Variants in KLHL20 observed in about 807,000 individuals in gnomAD.
KLHL20 encodes kelch-like protein 20.
A neutral mutation model predicts 69.5 loss-of-function variants in KLHL20; 29 were observed. The observed-to-expected ratio is 0.42, with a 90% CI of 0.31 to 0.57. The LOEUF (loss-of-function observed/expected upper bound fraction) is 0.57, where lower values mean the gene tolerates loss of function less well. Ranked by LOEUF, KLHL20 falls within the 20% of genes least tolerant of loss-of-function variation. KLHL20 has a pLI of 0.18. For missense variants in KLHL20, 419 were observed against 776.0 expected (o/e 0.54, Z 5.47); for synonymous variants, 253 against 265.2 (o/e 0.95, Z 0.45).
chr1:173,718,828 G>A (rs1345966681), intron 2 of KLHL20, among the ~76,000 whole-genome samples: 1 of 152,162 alleles, frequency 6.6e-6, no homozygotes, highest in East Asian at 1.9e-4. Flanking sequence ...TTTGTGGCTG[G>A]GTGCGGTGGC....
chr1:173,735,411 A>T (rs984369623), intron 3 of KLHL20, among the ~76,000 whole-genome samples: 3 of 150,864 alleles, frequency 2.0e-5, no homozygotes, highest in Non-Finnish European at 4.4e-5. Flanking sequence ...GTGCCACTGC[A>T]CTCCAGCCTG....
intron 3 of KLHL20, among the ~76,000 whole-genome samples, chr1:173,740,620 T>C (rs977211070): frequency 2.0e-5 from 3 of 152,190 alleles, no homozygotes; most frequent in Non-Finnish European, 4.4e-5. Context: ...AAGAATTTTT[T>C]AATTTTCATC....
At chr1:173,743,576 T>C (rs1009759789) in intron 3 of KLHL20, among the ~76,000 whole-genome samples, 1 of 152,078 alleles carries the variant, frequency 6.6e-6, no homozygotes, top group Non-Finnish European at 1.5e-5. Context: ...TACATTCTGC[T>C]ATAAGAAAGA....
At chr1:173,733,248 C>T (rs2102471069) in intron 2 of KLHL20, among the ~76,000 whole-genome samples, 1 of 152,232 alleles carries the variant, frequency 6.6e-6, no homozygotes, top group Non-Finnish European at 1.5e-5. Flanking sequence ...TTTCGAACTC[C>T]TGGCCTCAAG....
At chr1:173,755,843 T>C (rs773338821) in intron 5 of KLHL20, 80 bp from the exon 6 acceptor site, 4 of 877,146 alleles carry the variant, frequency 4.6e-6, no homozygotes, top group Non-Finnish European at 7.3e-6. Flanking sequence ...TTTGCCAACC[T>C]ATATATTCCT....
intron 2 of KLHL20, among the ~76,000 whole-genome samples, chr1:173,722,568 G>C (rs1180562496): frequency 6.6e-6 from 1 of 151,698 alleles, no homozygotes; most frequent in African/African-American, 2.4e-5. Context: ...AGTGAGCTGT[G>C]ATCATACCAC....
intron 6 of KLHL20, 111 bp from the exon 7 acceptor site, chr1:173,756,865 A>G: frequency 1.1e-6 from 1 of 921,010 alleles, no homozygotes; most frequent in Non-Finnish European, 1.6e-6. Context: ...TTGACCTACT[A>G]CTAGAGACAT....
chr1:173,760,524 C>A (rs995987243), intron 7 of KLHL20, among the ~76,000 whole-genome samples: 2 of 152,198 alleles, frequency 1.3e-5, no homozygotes, highest in Admixed American at 6.5e-5. Context: ...GACTTCTCAG[C>A]AGAAACCCTA....
At chr1:173,720,424 A>G (rs1671665107) in intron 2 of KLHL20, among the ~76,000 whole-genome samples, 1 of 152,184 alleles carries the variant, frequency 6.6e-6, no homozygotes, top group Non-Finnish European at 1.5e-5. Flanking sequence ...ATTTTGAGGA[A>G]GAAGGGGAAG....
intron 11 of KLHL20, among the ~76,000 whole-genome samples, chr1:173,783,299 G>A (rs1648987143): frequency 6.6e-6 from 1 of 152,088 alleles, no homozygotes; most frequent in African/African-American, 2.4e-5. Flanking sequence ...CAGACATTCT[G>A]GGAAATTTTT....
intron 2 of KLHL20, among the ~76,000 whole-genome samples, chr1:173,717,696 C>G (rs749984414): frequency 6.6e-6 from 1 of 152,066 alleles, no homozygotes; most frequent in Non-Finnish European, 1.5e-5. Context: ...CTCATGTCTT[C>G]CTATATTTGC....
chr1:173,774,945 G>A (rs1648361318), intron 9 of KLHL20, among the ~76,000 whole-genome samples: 1 of 151,998 alleles, frequency 6.6e-6, no homozygotes, highest in Non-Finnish European at 1.5e-5. Flanking sequence ...CGAGTAGCTG[G>A]GATTATACGT....
chr1:173,785,321 G>C lies in KLHL20; in HGVS notation c.*74G>C. Reference sequence around the variant, plus strand: ...TTGACCTTGGAGCTTTGTACAGCTTGAGAAAACATTAGAACAAATTTTATT... The same window carrying C: ...TTGACCTTGGAGCTTTGTACAGCTTCAGAAAACATTAGAACAAATTTTATT... On this transcript the variant is annotated 3_prime_UTR_variant, in exon 12 of 12. Transcript: ENST00000209884. 1 of 1,001,700 alleles carries C rather than the reference G, an allele frequency of 1.0e-6. No individual in the cohort carries two copies. 62.1% of individuals were successfully genotyped at this position (1,001,700 alleles called of 1,614,324 possible). A position where few individuals can be genotyped will look rare whatever the true frequency, so the allele number is the denominator to read the frequency against.
At chr1:173,757,296 A>G in intron 7 of KLHL20, 137 bp downstream of exon 7, 1 of 752,696 alleles carries the variant, frequency 1.3e-6, no homozygotes. Context: ...AGTTAGTATG[A>G]TACACAAATT....
At chr1:173,784,270 G>A (rs1204107776) in intron 11 of KLHL20, among the ~76,000 whole-genome samples, 1 of 152,136 alleles carries the variant, frequency 6.6e-6, no homozygotes, top group African/African-American at 2.4e-5. Flanking sequence ...TGGAAAGGTA[G>A]CATTTTAGCA....
rs1228273748 is a variant in KLHL20, at chr1:173,758,430, G to A, written c.1151+1271G>A. 2.6e-5 allele frequency among the ~76,000 whole-genome samples: 4 copies of A among 152,170 alleles called. No individual in the cohort carries two copies. The South Asian group carries it at 6.2e-4, about 24-fold the overall frequency. On this transcript the variant is annotated intron_variant, in intron 7 of 11. Transcript: ENST00000209884. Reference sequence around the variant, plus strand: ...CCGGGCAACATGCGGAGGCTTGATTGCAAATGTTAGCTCCAGACTGACTGC... The same window carrying A: ...CCGGGCAACATGCGGAGGCTTGATTACAAATGTTAGCTCCAGACTGACTGC...
At chr1:173,732,877 C>T (rs1016670598) in intron 2 of KLHL20, among the ~76,000 whole-genome samples, 9 of 152,104 alleles carry the variant, frequency 5.9e-5, no homozygotes, top group Non-Finnish European at 1.5e-5. Context: ...TGAAATTAGA[C>T]CCAAATTAAT....
chr1:173,747,469 G>A (rs967748462), intron 3 of KLHL20, among the ~76,000 whole-genome samples: 3 of 151,884 alleles, frequency 2.0e-5, no homozygotes, highest in South Asian at 2.1e-4. Flanking sequence ...ATTTCAACTC[G>A]TTTTCTTATT....
At chr1:173,721,076 A>AC (rs1671692757) in intron 2 of KLHL20, among the ~76,000 whole-genome samples, 1 of 152,178 alleles carries the variant, frequency 6.6e-6, no homozygotes. Flanking sequence ...TGTAGTGAGT[A>AC]CCAGGGGTGT....
Sources: gnomAD v4.1 joint callset for allele counts (sites outside exome capture counted in the v4.1 genomes callset) on GRCh38, gnomAD v4.1.1 for gene constraint, MANE v1.5 for transcripts, NCBI Gene and HGNC (gene_info 2026-07-23, HGNC 2026-07-21) for gene names.